Variants in UNC5D observed in about 807,000 individuals in gnomAD.
UNC5D encodes the protein netrin receptor UNC5D.
UNC5D carries 39 observed loss-of-function variants against 105.4 expected under a neutral mutation model. The ratio of observed to expected loss-of-function variants is 0.37; its 90% CI spans 0.29 to 0.48. The LOEUF (loss-of-function observed/expected upper bound fraction) is 0.48, where lower values mean the gene tolerates loss of function less well. UNC5D is among the 20% of genes least tolerant of loss of function. The pLI, the probability that UNC5D is intolerant of heterozygous loss-of-function variation, is 0.98. For missense variants in UNC5D, 991 were observed against 1,202.4 expected (o/e 0.82, Z 2.60); for synonymous variants, 452 against 450.4 (o/e 1.00, Z -0.04).
At chr8:35,733,103 T>A (rs1490887517) in intron 11 of UNC5D, among the ~76,000 whole-genome samples, 3 of 151,748 alleles carry the variant, frequency 2.0e-5, no homozygotes, top group African/African-American at 7.3e-5. Flanking sequence ...AAAAAAAAAA[T>A]TACAGGAAGC....
chr8:35,627,504 G>A (rs1408709205), intron 4 of UNC5D, among the ~76,000 whole-genome samples: 1 of 152,136 alleles, frequency 6.6e-6, no homozygotes, highest in Non-Finnish European at 1.5e-5. Flanking sequence ...TTCTGTCTGA[G>A]AATGCAGCCA....
chr8:35,558,104 C>T (rs1015110464), intron 2 of UNC5D, among the ~76,000 whole-genome samples: 6 of 133,576 alleles, frequency 4.5e-5, no homozygotes, highest in African/African-American at 8.9e-5. Flanking sequence ...CCAGCCTGGG[C>T]GACAAGAGTG....
chr8:35,543,916 A>AC (rs1187438218), intron 1 of UNC5D, among the ~76,000 whole-genome samples: 1 of 152,184 alleles, frequency 6.6e-6, no homozygotes, highest in Non-Finnish European at 1.5e-5. Flanking sequence ...TATGAACTAC[A>AC]CACTATTACC....
intron 1 of UNC5D, among the ~76,000 whole-genome samples, chr8:35,371,485 A>G (rs912584982): frequency 6.6e-6 from 1 of 152,184 alleles, no homozygotes; most frequent in Non-Finnish European, 1.5e-5. Context: ...TGTTAGAGAC[A>G]TGCAAAACTC....
At chr8:35,375,740 T>C (rs1221526688) in intron 1 of UNC5D, among the ~76,000 whole-genome samples, 1 of 152,214 alleles carries the variant, frequency 6.6e-6, no homozygotes, top group African/African-American at 2.4e-5. Flanking sequence ...CGGCAGTTTC[T>C]AAAGCTATAA....
rs1803138279 is a variant in UNC5D at position 35,793,547 on chromosome 8, G to C, written c.*2984G>C. The C allele has an allele frequency of 6.3e-6, 1 of 158,116 alleles. No homozygotes were observed. The allele number at this position is 158,116 out of a possible 1,614,324, so 9.8% of individuals were successfully genotyped here. On this transcript the variant is annotated 3_prime_UTR_variant, in exon 17 of 17. Transcript: ENST00000404895. ...AATGCCAAATCTTTCAGTCCTCAAAGGCATTTAAGTCCAATAGTCATGCTT... is the reference window on the plus strand; with the variant it reads ...AATGCCAAATCTTTCAGTCCTCAAACGCATTTAAGTCCAATAGTCATGCTT...
intron 1 of UNC5D, among the ~76,000 whole-genome samples, chr8:35,486,157 T>A (rs940566585): frequency 6.6e-6 from 1 of 152,242 alleles, no homozygotes; most frequent in African/African-American, 2.4e-5. Context: ...GTTTTAAATA[T>A]GGGAAATATT....
In UNC5D at chr8:35,443,829, G is replaced by T. The variant is rs181458970; in HGVS notation, c.104-105463G>T. Among the ~76,000 whole-genome samples the T allele has an allele frequency of 2.5e-3, 387 of 151,892 alleles. 1 individual carries two copies. The highest frequency in any genetic ancestry group is 9.0e-3 in the African/African-American group (374 of 41,474). ...AGTTCTCCATGGAAGTGTATCAAAA[G>T]GTTATATATATTAGCTGATCATCTT... On this transcript the variant is annotated intron_variant, in intron 1 of 16. Transcript: ENST00000404895.
intron 1 of UNC5D, among the ~76,000 whole-genome samples, chr8:35,368,601 A>G (rs1802264251): frequency 1.3e-5 from 2 of 149,822 alleles, no homozygotes; most frequent in Admixed American, 6.7e-5. Context: ...ATTATATTAA[A>G]TATATATAAA....
intron 2 of UNC5D, among the ~76,000 whole-genome samples, chr8:35,554,871 A>G (rs1199145067): frequency 6.6e-6 from 1 of 152,090 alleles, no homozygotes; most frequent in Non-Finnish European, 1.5e-5. Context: ...CATTTCAGGG[A>G]CCTCATTGTG....
At chr8:35,525,525 G>T (rs1813805184) in intron 1 of UNC5D, 1 of 1,612,204 alleles carries the variant, frequency 6.2e-7, no homozygotes, top group Non-Finnish European at 8.5e-7. Context: ...ATTGAGTGAA[G>T]CTAGGGGAGG....
chr8:35,675,905 GTA>G (rs1321988480), intron 4 of UNC5D, among the ~76,000 whole-genome samples: 1 of 151,560 alleles, frequency 6.6e-6, no homozygotes, highest in African/African-American at 2.4e-5. Context: ...TAAGGTTTAT[GTA>G]TATACATACT....
chr8:35,318,268 G>T (rs1290539426), intron 1 of UNC5D, among the ~76,000 whole-genome samples: 2 of 152,038 alleles, frequency 1.3e-5, no homozygotes, highest in African/African-American at 4.8e-5. Context: ...AAGGGCAGTT[G>T]TCTTCCTGGT....
intron 1 of UNC5D, among the ~76,000 whole-genome samples, chr8:35,420,044 T>A (rs528119855): frequency 5.9e-5 from 9 of 152,040 alleles, no homozygotes; most frequent in Admixed American, 3.9e-4. Context: ...GGAAAAAGCA[T>A]TATTTGATGG....
Position 35,488,949 on chromosome 8 carries a change from C to A in UNC5D, c.104-60343C>A, listed in dbSNP as rs547136275. Among the ~76,000 whole-genome samples the A allele has an allele frequency of 1.2e-3, 188 of 151,536 alleles. 1 individual carries two copies. The highest frequency in any genetic ancestry group is 2.3e-3 in the Non-Finnish European group (159 of 67,972). ...GAATGGATTTTGCATGTGACAAGAA[C>A]TTGAGTTTGGGGGCGGGCCGTATAA... On this transcript the variant is annotated intron_variant, in intron 1 of 16. Transcript: ENST00000404895.
At chr8:35,606,391 T>C (rs535176866) in intron 4 of UNC5D, among the ~76,000 whole-genome samples, 58 of 152,334 alleles carry the variant, frequency 3.8e-4, no homozygotes, top group Admixed American at 5.9e-4. Flanking sequence ...GGAGTTTGCA[T>C]TAAGGTTCAC....
rs1367909377 is a variant in UNC5D, at chr8:35,253,163, ACTT to A, written c.103+17282_103+17284del. On this transcript the variant is annotated intron_variant, in intron 1 of 16. Transcript: ENST00000404895. ...CCTTAATGTGTTATATGTGATTGGA[ACTT>A]CTTCTCCCACTTTGATGCTTCCTTT... 9.2e-5 allele frequency among the ~76,000 whole-genome samples: 14 copies of A among 151,406 alleles called. No homozygotes were observed. In the East Asian group the frequency reaches 2.1e-3, roughly 23 times the overall value.
intron 1 of UNC5D, among the ~76,000 whole-genome samples, chr8:35,335,271 T>C (rs1458716809): frequency 6.6e-6 from 1 of 152,242 alleles, no homozygotes. Flanking sequence ...GTGGTAATAC[T>C]TTCAATCTCT....
chr8:35,727,675 GTT>G (rs1437780830), intron 10 of UNC5D: 1 of 152,048 alleles, frequency 6.6e-6, no homozygotes, highest in African/African-American at 2.4e-5. Flanking sequence ...TAATTGAATG[GTT>G]TTGTTTTTTA....
Sources: allele counts gnomAD v4.1 joint callset (sites outside exome capture counted in the v4.1 genomes callset), GRCh38; gene constraint gnomAD v4.1.1; transcripts MANE v1.5; gene names NCBI Gene and HGNC (gene_info 2026-07-23, HGNC 2026-07-21).